SATB2: variants seen among roughly 807,000 people sequenced by gnomAD.
The protein encoded by SATB2 is SATB homeobox 2, also known as DNA-binding protein SATB2.
Under a neutral mutation model 73.4 loss-of-function variants are expected in SATB2, and 1 was observed. The ratio of observed to expected loss-of-function variants is 0.01; its 90% CI spans 0.00 to 0.06. The LOEUF is 0.06. SATB2 is among the 10% of genes least tolerant of loss of function. The pLI is 1.00. For synonymous variants in SATB2, 397 were observed against 367.0 expected, an observed-to-expected ratio of 1.08 and a Z score of -0.93; for missense variants, 459 against 945.8, an observed-to-expected ratio of 0.49 and a Z score of 6.75.
At chr2:199,331,489 A>T (rs1399593283) in intron 7 of SATB2, among the ~76,000 whole-genome samples, 2 of 152,184 alleles carry the variant, frequency 1.3e-5, no homozygotes, top group Non-Finnish European at 2.9e-5. Context: ...TATTACCCCC[A>T]GAGAATCAGA....
intron 2 of SATB2, among the ~76,000 whole-genome samples, chr2:199,443,335 G>A (rs1691874137): frequency 6.6e-6 from 1 of 151,864 alleles, no homozygotes; most frequent in Non-Finnish European, 1.5e-5. Context: ...ATTAATAAAG[G>A]AATCAAGTGC....
chr2:199,358,951 C>G (rs988979603), intron 6 of SATB2, among the ~76,000 whole-genome samples: 2 of 152,066 alleles, frequency 1.3e-5, no homozygotes, highest in African/African-American at 4.8e-5. Flanking sequence ...TTCAAGTATT[C>G]CTATAACATT....
intron 3 of SATB2, among the ~76,000 whole-genome samples, chr2:199,409,970 A>G (rs1690761322): frequency 6.7e-6 from 1 of 149,868 alleles, no homozygotes; most frequent in Non-Finnish European, 1.5e-5. Flanking sequence ...CCATCACTCC[A>G]TCACTGCCCC....
At chr2:199,314,805 C>T (rs1574497119) in intron 9 of SATB2, among the ~76,000 whole-genome samples, 2 of 152,032 alleles carry the variant, frequency 1.3e-5, no homozygotes, top group East Asian at 3.9e-4. Context: ...CAATTTTTAT[C>T]TTAATCTTAT....
chr2:199,379,222 C>A (rs1476192089), intron 5 of SATB2, among the ~76,000 whole-genome samples: 1 of 152,190 alleles, frequency 6.6e-6, no homozygotes, highest in South Asian at 2.1e-4. Context: ...CAGCCCTTTC[C>A]TCCACTGCTC....
intron 10 of SATB2, among the ~76,000 whole-genome samples, chr2:199,299,881 T>C (rs573470633): frequency 1.3e-5 from 2 of 152,144 alleles, no homozygotes; most frequent in East Asian, 1.9e-4. Context: ...CTCTCACAGA[T>C]GAAATGTGAC....
chr2:199,353,269 C>T (rs1485606512), intron 6 of SATB2, among the ~76,000 whole-genome samples: 4 of 149,826 alleles, frequency 2.7e-5, no homozygotes, highest in African/African-American at 9.9e-5. Flanking sequence ...ATTCTCATGC[C>T]TCAGCCTCCT....
At chr2:199,281,553 T>C (rs1387255312) in intron 10 of SATB2, among the ~76,000 whole-genome samples, 3 of 152,096 alleles carry the variant, frequency 2.0e-5, no homozygotes, top group Non-Finnish European at 4.4e-5. Context: ...CATAACTCAA[T>C]TAGAATTTGT....
chr2:199,355,348 C>CTATATATATATATATATATA (rs72202602), intron 6 of SATB2, among the ~76,000 whole-genome samples: 23 of 134,194 alleles, frequency 1.7e-4, no homozygotes, highest in East Asian at 2.5e-4. Context: ...GTGTGTGTAT[C>CTATATATATATATATATATA]TATATATATA....
intron 3 of SATB2, among the ~76,000 whole-genome samples, chr2:199,409,365 T>G (rs939751965): frequency 6.6e-6 from 1 of 152,094 alleles, no homozygotes; most frequent in Non-Finnish European, 1.5e-5. Context: ...AGACAGGGTT[T>G]CTCCATGTCG....
chr2:199,469,024 C>A (rs903204465), upstream of SATB2: 1 of 152,262 alleles, frequency 6.6e-6, no homozygotes, highest in African/African-American at 2.4e-5. Flanking sequence ...AGGGACTGGT[C>A]TGCGTGCCTC....
In SATB2 at chr2:199,349,049, T is replaced by G. The variant is rs995750176; in HGVS notation, c.825A>C (p.Gln275His). Reference protein sequence around the residue: ...GKTNEQSPHSQIHHSTPIRNQ... With the variant: ...GKTNEQSPHSHIHHSTPIRNQ... ...TTCGGATTGGAGTACTGTGGTGAAT[T>G]TGGCTGTGAGGAGACTGTTCGTTGG... Residue 275 changes from glutamine (Q) to histidine (H), a missense_variant, in exon 7 of 11, where the codon CAA becomes CAC. Coordinates refer to ENST00000417098, the MANE Select transcript of SATB2 (RefSeq NM_001172509.2). 3 of 1,614,114 alleles carry G rather than the reference T, an allele frequency of 1.9e-6. No individual in the cohort carries two copies.
rs1692555278 is a variant in SATB2 at position 199,464,596 on chromosome 2, G to A, written c.-141+240C>T. 1.3e-5 allele frequency among the ~76,000 whole-genome samples: 2 copies of A among 152,108 alleles called. No homozygotes were observed. Among genetic ancestry groups the A allele is most frequent in the South Asian group, 2.1e-4 (1 of 4,836 alleles). On this transcript the variant is annotated intron_variant, in intron 1 of 11. Coordinates refer to the SATB2 transcript ENST00000260926. This position sits in a 1 kb window ranked among gnomAD's most constrained non-coding sequence, Gnocchi z 6.6. ...AGACGCCCCGCGCCCGACTCACGGC[G>A]CGAACACCAGCGCTCCGGCCGGGTC...
chr2:199,281,102 T>C (rs1398547007), intron 10 of SATB2, among the ~76,000 whole-genome samples: 1 of 151,952 alleles, frequency 6.6e-6, no homozygotes, highest in Non-Finnish European at 1.5e-5. Context: ...TACTTGACTA[T>C]CAAGGGCAGG....
At chr2:199,305,325 T>G (rs1367255723) in intron 10 of SATB2, among the ~76,000 whole-genome samples, 1 of 150,292 alleles carries the variant, frequency 6.7e-6, no homozygotes, top group Non-Finnish European at 1.5e-5. Context: ...AATTTTTAAA[T>G]GTGGACTTGA....
At chr2:199,430,429 T>C (rs1457795397) in intron 3 of SATB2, among the ~76,000 whole-genome samples, 1 of 152,202 alleles carries the variant, frequency 6.6e-6, no homozygotes, top group Non-Finnish European at 1.5e-5. Flanking sequence ...TTTCTACATA[T>C]GCAAAACAGC....
intron 3 of SATB2, among the ~76,000 whole-genome samples, chr2:199,393,912 G>T (rs1333329771): frequency 1.3e-5 from 2 of 152,166 alleles, no homozygotes; most frequent in East Asian, 3.9e-4. Flanking sequence ...GCTCAATCAG[G>T]TTTTTTTAAA....
rs970844646 is a variant in SATB2, at chr2:199,342,180, G to C, written c.1173+6521C>G. On this transcript the variant is annotated intron_variant, in intron 7 of 10. Coordinates refer to ENST00000417098, the MANE Select transcript of SATB2 (RefSeq NM_001172509.2). ...ACCATGGGCCGGGGAGCGGGGAGGC[G>C]GGGGAGCATCAAAAACAGAGCTGGG... 3.3e-5 allele frequency among the ~76,000 whole-genome samples: 5 copies of C among 152,046 alleles called. No homozygotes were observed. The East Asian group carries it at 5.8e-4, about 18-fold the overall frequency.
Sources: allele counts gnomAD v4.1 joint callset (sites outside exome capture counted in the v4.1 genomes callset), GRCh38; gene constraint gnomAD v4.1.1; non-coding constraint Gnocchi (gnomAD v3.1); transcripts MANE v1.5; gene names NCBI Gene and HGNC (gene_info 2026-07-23, HGNC 2026-07-21).